TMEM114: variants seen among roughly 807,000 people sequenced by gnomAD.
The protein encoded by TMEM114 is claudin-26.
In TMEM114, 6 loss-of-function variants were observed where a neutral mutation model predicts 6.2. The observed-to-expected ratio is 0.97, with a 90% confidence interval of 0.53 to 1.91. The LOEUF (loss-of-function observed/expected upper bound fraction) is 1.91. TMEM114 is among the 40% of genes most tolerant of loss of function. The pLI is 0.01. For synonymous variants in TMEM114, 104 were observed against 73.0 expected (o/e 1.42, Z -2.16); for missense variants, 218 against 158.3 (o/e 1.38, Z -2.02).
At chr16:8,575,973 G>A (rs1437705309) in intron 2 of TMEM114, among the ~76,000 whole-genome samples, 3 of 152,166 alleles carry the variant, frequency 2.0e-5, no homozygotes, top group Admixed American at 2.0e-4. Context: ...GAAAGAAACA[G>A]TTTCCAGCTT....
At chr16:8,567,661 C>T (rs1010791478), downstream of TMEM114, among the ~76,000 whole-genome samples, 2 of 152,130 alleles carry the variant, frequency 1.3e-5, no homozygotes, top group Admixed American at 1.3e-4. Context: ...CCAAACACTG[C>T]CAAATGTCAG....
chr16:8,552,228 T>C (rs1006819552), intron 2 of TMEM114, among the ~76,000 whole-genome samples: 4 of 151,370 alleles, frequency 2.6e-5, no homozygotes, highest in Non-Finnish European at 1.5e-5. Flanking sequence ...AAAAAAAAAT[T>C]TTAATATTAG....
downstream of TMEM114, among the ~76,000 whole-genome samples, chr16:8,534,819 G>A (rs1900310429): frequency 6.6e-6 from 1 of 152,158 alleles, no homozygotes; most frequent in South Asian, 2.1e-4. Flanking sequence ...ACTGGCTGTG[G>A]GCCTTTGGGC....
chr16:8,579,968 T>A (rs193153743), intron 2 of TMEM114, among the ~76,000 whole-genome samples: 1 of 151,964 alleles, frequency 6.6e-6, no homozygotes, highest in African/African-American at 2.4e-5. Context: ...CAGTGAGGCG[T>A]TAACTGGGCT....
At chr16:8,538,630 C>T (rs1900430046) in intron 2 of TMEM114, among the ~76,000 whole-genome samples, 1 of 152,040 alleles carries the variant, frequency 6.6e-6, no homozygotes, top group South Asian at 2.1e-4. Flanking sequence ...GCCTCAGCCT[C>T]CCCAGCAGCT....
chr16:8,573,349 A>T (rs954144753), intron 2 of TMEM114, among the ~76,000 whole-genome samples: 1 of 152,184 alleles, frequency 6.6e-6, no homozygotes, highest in Non-Finnish European at 1.5e-5. Flanking sequence ...CTCTAGTAGG[A>T]TCTGGGGCCA....
intron 2 of TMEM114, among the ~76,000 whole-genome samples, chr16:8,578,187 G>C (rs550586001): frequency 2.6e-5 from 4 of 152,258 alleles, no homozygotes; most frequent in South Asian, 4.2e-4. Flanking sequence ...ATTTCCTGTG[G>C]CCACTGTAAC....
At chr16:8,580,511 G>GA (rs1027964378) in intron 2 of TMEM114, among the ~76,000 whole-genome samples, 9 of 143,784 alleles carry the variant, frequency 6.3e-5, no homozygotes, top group South Asian at 2.2e-4. Flanking sequence ...AAAAAAAAAA[G>GA]AAAAAAAAAG....
At chr16:8,538,228 C>G (rs976017749) in intron 2 of TMEM114, among the ~76,000 whole-genome samples, 1 of 150,674 alleles carries the variant, frequency 6.6e-6, no homozygotes, top group Non-Finnish European at 1.5e-5. Flanking sequence ...TCACTGGAGC[C>G]TAGAAAACCA....
the TMEM114 span, among the ~76,000 whole-genome samples, chr16:8,527,465 C>T: frequency 6.6e-6 from 1 of 152,144 alleles, no homozygotes; most frequent in African/African-American, 2.4e-5. Context: ...AAAATGGACA[C>T]TTCCCCGTGG....
chr16:8,554,309 C>G (rs189263920), intron 2 of TMEM114, among the ~76,000 whole-genome samples: 1 of 152,120 alleles, frequency 6.6e-6, no homozygotes, highest in Admixed American at 6.5e-5. Flanking sequence ...CAATTCCAGC[C>G]CTTTGGGAGG....
exon 3 of TMEM114, chr16:8,537,719 A>G (rs537422231): frequency 1.3e-5 from 2 of 152,298 alleles, no homozygotes; most frequent in South Asian, 4.1e-4. Context: ...ATTCTGTTTT[A>G]TACCAGGAAC....
intron 2 of TMEM114, among the ~76,000 whole-genome samples, chr16:8,587,251 C>A (rs923568560): frequency 1.3e-5 from 2 of 152,130 alleles, no homozygotes; most frequent in African/African-American, 4.8e-5. Context: ...TATTGAGCTC[C>A]ACCTACAATA....
chr16:8,534,968 C>T (rs1027265274), downstream of TMEM114, among the ~76,000 whole-genome samples: 2 of 152,200 alleles, frequency 1.3e-5, no homozygotes, highest in African/African-American at 4.8e-5. Context: ...CTGTCATCAT[C>T]CCCTTCTCCA....
At chr16:8,578,572 C>T (rs1486526588) in intron 2 of TMEM114, among the ~76,000 whole-genome samples, 1 of 152,208 alleles carries the variant, frequency 6.6e-6, no homozygotes, top group Non-Finnish European at 1.5e-5. Flanking sequence ...GGGCTTAGTA[C>T]ATGAGCATAT....
rs1902433420 is a variant in TMEM114, at chr16:8,589,906, G to C, written c.-68C>G. On this transcript the variant is annotated 5_prime_UTR_variant, in exon 1 of 4. Transcript: ENST00000620492. ...GCGCGACCCCTCTGCTCCTGCCCCC[G>C]TCCCCAGCCGGCCACCGCGGGCTCC... 15 of 392,160 alleles carry C rather than the reference G, an allele frequency of 3.8e-5. 1 individual carries two copies. The South Asian group carries it at 9.3e-4, about 24-fold the overall frequency. 24.3% of individuals were successfully genotyped at this position (392,160 alleles called of 1,614,324 possible).
chr16:8,549,546 G>A lies in TMEM114; in HGVS notation n.213-11720C>T, dbSNP rs539933451. On this transcript the variant is annotated intron_variant and non_coding_transcript_variant, in intron 2 of 2. Coordinates refer to the TMEM114 transcript ENST00000623677. ...TGCATGATCTCAAAGTGAGATCTGT[G>A]TGAACTGAGAAAAATAAGAAAGTTC... Among the ~76,000 whole-genome samples, 27 of 150,966 alleles carry A rather than the reference G, an allele frequency of 1.8e-4. No individual in the cohort carries two copies. The South Asian group carries it at 5.2e-3, about 29-fold the overall frequency.
intron 3 of TMEM114, among the ~76,000 whole-genome samples, chr16:8,571,223 A>C (rs894229960): frequency 7.9e-5 from 12 of 152,140 alleles, no homozygotes; most frequent in African/African-American, 2.9e-4. Context: ...CTGGTCCACT[A>C]AACCAACCAG....
intron 2 of TMEM114, among the ~76,000 whole-genome samples, chr16:8,585,914 A>C (rs139680474): frequency 2.6e-5 from 4 of 152,170 alleles, no homozygotes; most frequent in Non-Finnish European, 5.9e-5. Flanking sequence ...CCACATGCCT[A>C]CTTGGTGGTG....
Sources: gnomAD v4.1 joint callset for allele counts (sites outside exome capture counted in the v4.1 genomes callset) on GRCh38, gnomAD v4.1.1 for gene constraint, MANE v1.5 for transcripts, NCBI Gene and HGNC (gene_info 2026-07-23, HGNC 2026-07-21) for gene names.